Variants in DENND4B observed in about 807,000 individuals in gnomAD.
DENND4B encodes DENN domain containing 4B, also known as DENN domain-containing protein 4B.
DENND4B carries 67 observed loss-of-function variants against 161.0 expected under a neutral mutation model. The ratio of observed to expected loss-of-function variants is 0.42; its 90% CI spans 0.34 to 0.51. The LOEUF (loss-of-function observed/expected upper bound fraction) is 0.51. DENND4B is among the 20% of genes least tolerant of loss of function. The pLI, the probability that DENND4B is intolerant of heterozygous loss-of-function variation, is 0.08. For missense variants in DENND4B, 1,481 were observed against 1,968.0 expected (o/e 0.75, Z 4.68); for synonymous variants, 753 against 813.8 (o/e 0.93, Z 1.27).
chr1:153,943,678 TAAA>T (rs11330733), intron 2 of DENND4B, among the ~76,000 whole-genome samples: 8 of 92,394 alleles, frequency 8.7e-5, no homozygotes, highest in African/African-American at 1.2e-4. Flanking sequence ...ACTCTGTCTA[TAAA>T]AAAAAAAAAA....
At chr1:153,941,326 T>C in intron 7 of DENND4B, 37 bp from the exon 8 acceptor site, 2 of 1,613,638 alleles carry the variant, frequency 1.2e-6, no homozygotes, top group Non-Finnish European at 1.7e-6. Flanking sequence ...AGGGTAATGA[T>C]GCCAACTCCC....
chr1:153,945,360 G>T, intron 1 of DENND4B: 3 of 349,818 alleles, frequency 8.6e-6, no homozygotes, highest in South Asian at 6.3e-5. Flanking sequence ...GCGGTGGTGG[G>T]GTTACCATTG....
In DENND4B at chr1:153,932,477, G is replaced by T; in HGVS notation, c.3760-37C>A. The T allele has an allele frequency of 6.4e-7, 1 of 1,573,660 alleles. No individual in the cohort carries two copies. On this transcript the variant is annotated intron_variant, in intron 23 of 27. Coordinates refer to ENST00000361217, the MANE Select transcript of DENND4B (RefSeq NM_014856.3). The surrounding 1 kb of genome is among the most constrained non-coding windows in gnomAD (Gnocchi z 5.8). ...AAAGGGGGAGGGCAGTAGAGGGCAT[G>T]TACATCCCCAGAGCCTTGCCTCCCA...
intron 1 of DENND4B, chr1:153,945,240 C>T: frequency 8.5e-7 from 1 of 1,181,890 alleles, no homozygotes; most frequent in East Asian, 5.8e-5. Flanking sequence ...CAGCAGGGGC[C>T]CAGAAGCGTG....
At position 153,934,933 on chromosome 1, in the gene DENND4B, G is replaced by A; in HGVS notation, c.2600C>T (p.Thr867Ile). 2 of 1,612,806 alleles carry A rather than the reference G, an allele frequency of 1.2e-6. No individual in the cohort carries two copies. The highest frequency in any genetic ancestry group is 1.7e-6 in the Non-Finnish European group (2 of 1,179,896). ...GGCCCAGCGCAGACGCCCACCTGGT[G>A]TGCCAGACGGCCACTTGCTTTCCAA... is the stretch of plus-strand genomic sequence containing the variant. ...AVLESKWPSG[T>I]PGGRLRWAKL... The change falls in exon 18 of 28, where the codon ACA becomes ATA. Residue 867 changes from threonine (T) to isoleucine (I), a missense_variant. Around this residue, in one of 3 missense-constraint regions of DENND4B, gnomAD observed 339 missense variants for 330.3 expected, o/e 1.03. Transcript: ENST00000361217. The surrounding 1 kb of genome is among the most constrained non-coding windows in gnomAD (Gnocchi z 5.3).
At position 153,933,044 on chromosome 1, in the gene DENND4B, G is replaced by A; in HGVS notation, c.3454-14C>T. 1 of 1,612,310 alleles carries A rather than the reference G, an allele frequency of 6.2e-7. No homozygotes were observed. Among genetic ancestry groups the A allele is most frequent in the Non-Finnish European group, 8.5e-7 (1 of 1,178,706 alleles). ...GGACAGCAGAATCTGTGGGCAGGGA[G>A]AGTCGGGAAGTAGGTGCTGTCTGGC... On this transcript the variant is annotated splice_polypyrimidine_tract_variant and intron_variant, in intron 21 of 27. Transcript: ENST00000361217. This position sits in a 1 kb window ranked among gnomAD's most constrained non-coding sequence, Gnocchi z 5.7.
At position 153,940,995 on chromosome 1, in the gene DENND4B, G is replaced by T; in HGVS notation, c.1235C>A (p.Thr412Lys). Reference sequence around the variant, plus strand: ...CTCTGTGAGCACAGCCAGCAGCAGTGTGATAGCCAGCTCAGGGCCCAGGCT... The same window carrying T: ...CTCTGTGAGCACAGCCAGCAGCAGTTTGATAGCCAGCTCAGGGCCCAGGCT... ...LQSLGPELAI[T>K]LLLAVLTEHK... is the part of the protein sequence containing the mutation. The change falls in exon 9 of 28, where the codon ACA becomes AAA. Residue 412 changes from threonine (T) to lysine (K), a missense_variant. Thr to Lys is a moderately conservative substitution (Grantham distance 78, BLOSUM62 -1). Around this residue, in one of 3 missense-constraint regions of DENND4B, gnomAD observed 806 missense variants for 1,134.4 expected, o/e 0.71. Transcript: ENST00000361217. The surrounding 1 kb of genome is among the most constrained non-coding windows in gnomAD (Gnocchi z 5.6). 6.3e-7 allele frequency: 1 copy of T among 1,580,700 alleles called. No individual in the cohort carries two copies. Among genetic ancestry groups the T allele is most frequent in the Non-Finnish European group, 8.6e-7 (1 of 1,165,276 alleles).
Position 153,933,959 on chromosome 1 carries a change from C to T in DENND4B, c.2942-88G>A. 2 of 1,542,990 alleles carry T rather than the reference C, an allele frequency of 1.3e-6. No homozygotes were observed. Among genetic ancestry groups the T allele is most frequent in the Non-Finnish European group, 1.7e-6 (2 of 1,150,206 alleles). ...TGAATAAACACAATTCCTGGCTGCA[C>T]AAACTCTGGTGCCACCACCCCCACC... On this transcript the variant is annotated intron_variant, in intron 19 of 27. Coordinates refer to ENST00000361217, the MANE Select transcript of DENND4B (RefSeq NM_014856.3). The surrounding 1 kb of genome is among the most constrained non-coding windows in gnomAD (Gnocchi z 5.7).
Position 153,937,770 on chromosome 1 carries a change from C to T in DENND4B, c.2059G>A (p.Glu687Lys). 4 of 1,613,952 alleles carry T rather than the reference C, an allele frequency of 2.5e-6. No individual in the cohort carries two copies. The highest frequency in any genetic ancestry group is 1.1e-5 in the South Asian group (1 of 91,084). Residue 687 changes from glutamate to lysine, a missense_variant, in exon 14 of 28, where the codon GAG (glutamate) becomes AAG (lysine). Glu to Lys is a moderately conservative substitution (Grantham distance 56). Coordinates refer to ENST00000361217, the MANE Select transcript of DENND4B (RefSeq NM_014856.3). The surrounding 1 kb of genome is among the most constrained non-coding windows in gnomAD (Gnocchi z 4.7). Reference protein sequence around the residue: ...SELTVFITPPEEPALPEGSES... With the variant: ...SELTVFITPPKEPALPEGSES... ...CTGCCCTCTGGTAAGGCAGGCTCCT[C>T]GGGAGGTGTGATAAAGACAGTGAGC...
chr1:153,935,869 G>A, intron 17 of DENND4B, 191 bp downstream of exon 17: 3 of 646,658 alleles, frequency 4.6e-6, no homozygotes, highest in Middle Eastern at 4.5e-4. Context: ...TCATGAGTGG[G>A]AATCAAAGCA....
chr1:153,943,071 G>T lies in DENND4B; in HGVS notation c.377C>A (p.Pro126His). ...KPGFQVLDTT[P>H]YSHSANLAPP... ...GGCCAGGTTTGCTGAGTGGCTGTAG[G>T]GTGTCGTGTCAAGCACTTGGAAGCC... The change falls in exon 3 of 28, where the codon CCC becomes CAC. Residue 126 changes from proline to histidine, a missense_variant. Pro to His is a moderately conservative substitution (Grantham distance 77). This residue lies in a region of DENND4B where 806 missense variants were observed against 1,134.4 expected (regional missense o/e 0.71). Transcript: ENST00000361217. 1 of 1,613,994 alleles carries T rather than the reference G, an allele frequency of 6.2e-7. No individual in the cohort carries two copies. The highest frequency in any genetic ancestry group is 8.5e-7 in the Non-Finnish European group (1 of 1,179,884).
chr1:153,944,707 T>C lies in DENND4B; in HGVS notation c.-23-310A>G, dbSNP rs1679867633. On this transcript the variant is annotated intron_variant, in intron 1 of 27. Coordinates refer to ENST00000361217, the MANE Select transcript of DENND4B (RefSeq NM_014856.3). The surrounding 1 kb of genome is among the most constrained non-coding windows in gnomAD (Gnocchi z 4.8). Reference sequence around the variant, plus strand: ...TTTTAAAGGCTCACCAGTTATAACATCACAGAGATCACAATCTTTTTTGTA... The same window carrying C: ...TTTTAAAGGCTCACCAGTTATAACACCACAGAGATCACAATCTTTTTTGTA... 6.6e-6 allele frequency among the ~76,000 whole-genome samples: 1 copy of C among 152,184 alleles called. No individual in the cohort carries two copies. The highest frequency in any genetic ancestry group is 2.1e-4 in the South Asian group (1 of 4,826).
At position 153,936,907 on chromosome 1, in the gene DENND4B, G is replaced by A. The variant is rs551134459; in HGVS notation, c.2233-159C>T. Among the ~76,000 whole-genome samples, 3 of 152,152 alleles carry A rather than the reference G, an allele frequency of 2.0e-5. No homozygotes were observed. The highest frequency in any genetic ancestry group is 4.4e-5 in the Non-Finnish European group (3 of 68,038). ...CAGACTCGGCCTCCTGGGCTCAAGC[G>A]ATTCTCCCACCTCAGTCTCAAGTAG... On this transcript the variant is annotated intron_variant, in intron 15 of 27. Coordinates refer to ENST00000361217, the MANE Select transcript of DENND4B (RefSeq NM_014856.3). This position sits in a 1 kb window ranked among gnomAD's most constrained non-coding sequence, Gnocchi z 4.1.
chr1:153,932,553 A>C lies in DENND4B; in HGVS notation c.3759+89T>G. 6.4e-7 allele frequency: 1 copy of C among 1,565,556 alleles called. No individual in the cohort carries two copies. Among genetic ancestry groups the C allele is most frequent in the Admixed American group, 1.8e-5 (1 of 55,180 alleles). On this transcript the variant is annotated intron_variant, in intron 23 of 27. Transcript: ENST00000361217. The surrounding 1 kb of genome is among the most constrained non-coding windows in gnomAD (Gnocchi z 5.8). Reference sequence around the variant, plus strand: ...TGGGATGCCCCTTGCCCTCAAGGGCAAGAGATGTGCCCATCTCTCCCTGGC... The same window carrying C: ...TGGGATGCCCCTTGCCCTCAAGGGCCAGAGATGTGCCCATCTCTCCCTGGC...
Position 153,934,058 on chromosome 1 carries a change from C to T in DENND4B, c.2941+77G>A. On this transcript the variant is annotated intron_variant, in intron 19 of 27. Transcript: ENST00000361217. The surrounding 1 kb of genome is among the most constrained non-coding windows in gnomAD (Gnocchi z 5.3). ...CAGAGGGCCGCCCTCCACTCTGTTT[C>T]TGGTCTTCCCCACCTCACTAGCAAG... The T allele has an allele frequency of 1.4e-6, 2 of 1,473,642 alleles. No homozygotes were observed. Among genetic ancestry groups the T allele is most frequent in the Non-Finnish European group, 1.8e-6 (2 of 1,114,084 alleles). 91.3% of individuals were successfully genotyped at this position (1,473,642 alleles called of 1,614,324 possible).
Position 153,940,691 on chromosome 1 carries a change from C to T in DENND4B, c.1327-85G>A. The T allele has an allele frequency of 6.5e-7, 1 of 1,531,036 alleles. No individual in the cohort carries two copies. Among genetic ancestry groups the T allele is most frequent in the Non-Finnish European group, 8.8e-7 (1 of 1,131,254 alleles). 94.8% of individuals were successfully genotyped at this position (1,531,036 alleles called of 1,614,324 possible). ...AGGAGAGAGAAAGAGAGGGCATTGG[C>T]CTTGGGGAGTTGGTGCCTGTTGAGA... On this transcript the variant is annotated intron_variant, in intron 9 of 27. Transcript: ENST00000361217. The surrounding 1 kb of genome is among the most constrained non-coding windows in gnomAD (Gnocchi z 5.6).
In DENND4B at chr1:153,934,190, A is replaced by G; in HGVS notation, c.2886T>C (p.Gly962=). ...GTGCCCCTCGGGCACTGCCCAGGCT[A>G]CCACTCTTCACCAGGCGTCCAGGGG... ...ASPPGRLVKS[G]SLGSARGAQP... The change falls in exon 19 of 28, where the codon GGT becomes GGC. Residue 962 remains glycine, a synonymous_variant. Transcript: ENST00000361217. This position sits in a 1 kb window ranked among gnomAD's most constrained non-coding sequence, Gnocchi z 5.3. 1 of 1,604,974 alleles carries G rather than the reference A, an allele frequency of 6.2e-7. No individual in the cohort carries two copies. Among genetic ancestry groups the G allele is most frequent in the Middle Eastern group, 1.7e-4 (1 of 5,934 alleles).
Position 153,941,029 on chromosome 1 carries a change from G to T in DENND4B, c.1201C>A (p.Leu401Met), listed in dbSNP as rs1225067691. 6.4e-7 allele frequency: 1 copy of T among 1,559,890 alleles called. No homozygotes were observed. The highest frequency in any genetic ancestry group is 8.7e-7 in the Non-Finnish European group (1 of 1,154,312). The change falls in exon 9 of 28, where the codon CTG (leucine) becomes ATG (methionine). Residue 401 changes from leucine to methionine, a missense_variant. This residue lies in a region of DENND4B where 806 missense variants were observed against 1,134.4 expected (regional missense o/e 0.71). Transcript: ENST00000361217. Reference protein sequence around the residue: ...LPLSGASFLQLLQSLGPELAI... With the variant: ...LPLSGASFLQMLQSLGPELAI... Reference sequence around the variant, plus strand: ...AGCTCAGGGCCCAGGCTCTGCAGCAGCTGCAGGAAGCTGGCACCACTGCAG... The same window carrying T: ...AGCTCAGGGCCCAGGCTCTGCAGCATCTGCAGGAAGCTGGCACCACTGCAG...
rs758585516 is a variant in DENND4B at position 153,944,043 on chromosome 1, G to T, written c.317+15C>A. 7 of 1,535,222 alleles carry T rather than the reference G, an allele frequency of 4.6e-6. No homozygotes were observed. In the East Asian group the frequency reaches 1.6e-4, roughly 36 times the overall value. ...CCCAGCCTCCCCTGGTGCCAGCATGGGTAGGGGCACACACCCCAGCTCAAC... is the reference window on the plus strand; with the variant it reads ...CCCAGCCTCCCCTGGTGCCAGCATGTGTAGGGGCACACACCCCAGCTCAAC... On this transcript the variant is annotated intron_variant, in intron 2 of 27. Coordinates refer to ENST00000361217, the MANE Select transcript of DENND4B (RefSeq NM_014856.3). This position sits in a 1 kb window ranked among gnomAD's most constrained non-coding sequence, Gnocchi z 4.8.
Sources: gnomAD v4.1 joint callset for allele counts (sites outside exome capture counted in the v4.1 genomes callset) on GRCh38, gnomAD v4.1.1 for gene constraint, gnomAD v4.1.1 regional missense constraint, Gnocchi (gnomAD v3.1) non-coding constraint, MANE v1.5 for transcripts, NCBI Gene and HGNC (gene_info 2026-07-23, HGNC 2026-07-21) for gene names.